Variants in BRINP3 observed in about 807,000 individuals in gnomAD.
BRINP3 encodes BMP/retinoic acid inducible neural specific 3.
Under a neutral mutation model 71.0 loss-of-function variants are expected in BRINP3, and 19 were observed. That is an observed-to-expected ratio of 0.27 (90% CI 0.19 to 0.39). The LOEUF (loss-of-function observed/expected upper bound fraction) is 0.39, where lower values mean the gene tolerates loss of function less well. BRINP3 is among the 10% of genes least tolerant of loss of function. The pLI is 1.00. For synonymous variants in BRINP3, 380 were observed against 337.7 expected (o/e 1.13, Z -1.37); for missense variants, 959 against 940.8 (o/e 1.02, Z -0.25).
intron 2 of BRINP3, among the ~76,000 whole-genome samples, chr1:190,306,609 T>A (rs1342338316): frequency 2.0e-5 from 3 of 151,868 alleles, no homozygotes; most frequent in African/African-American, 4.8e-5. Flanking sequence ...CTAGTTGTTA[T>A]AAGGATTAAG....
chr1:190,331,216 G>T (rs780136399), intron 2 of BRINP3, among the ~76,000 whole-genome samples: 2 of 151,584 alleles, frequency 1.3e-5, no homozygotes, highest in Non-Finnish European at 2.9e-5. Context: ...ATTAAGTTTT[G>T]AAAAAATAAA....
chr1:190,449,411 T>C (rs1675453570), intron 2 of BRINP3, among the ~76,000 whole-genome samples: 1 of 152,064 alleles, frequency 6.6e-6, no homozygotes, highest in South Asian at 2.1e-4. Flanking sequence ...AGAGGTAATC[T>C]CTCCTACTGA....
chr1:190,440,716 G>T (rs1674761386), intron 2 of BRINP3, among the ~76,000 whole-genome samples: 1 of 151,924 alleles, frequency 6.6e-6, no homozygotes, highest in African/African-American at 2.4e-5. Flanking sequence ...ACTATGTGTT[G>T]TCTTCGCCTC....
At chr1:190,176,127 A>G (rs1170204587) in intron 6 of BRINP3, among the ~76,000 whole-genome samples, 1 of 152,200 alleles carries the variant, frequency 6.6e-6, no homozygotes, top group Admixed American at 6.6e-5. Context: ...ATAAAAGAGT[A>G]TAATACTTTG....
At position 190,386,045 on chromosome 1, in the gene BRINP3, C is replaced by T. The variant is rs566336657; in HGVS notation, c.236+68610G>A. On this transcript the variant is annotated intron_variant, in intron 2 of 7. Transcript: ENST00000367462. ...GAATTGAACAATGAGATCACATGGACACAGGAAGGGGAACATCACACTCTG... is the reference window on the plus strand; with the variant it reads ...GAATTGAACAATGAGATCACATGGATACAGGAAGGGGAACATCACACTCTG... Among the ~76,000 whole-genome samples, 151 of 137,200 alleles carry T rather than the reference C, an allele frequency of 1.1e-3. 6 individuals carry two copies. In the South Asian group the frequency reaches 0.035, roughly 32 times the overall value. The allele number at this position is 137,200 out of a possible 152,430, so 90.0% of individuals were successfully genotyped here. A position where few individuals can be genotyped will look rare whatever the true frequency, so the allele number is the denominator to read the frequency against.
chr1:190,217,575 A>G lies in BRINP3; in HGVS notation c.961+8507T>C, dbSNP rs140877315. Among the ~76,000 whole-genome samples the G allele has an allele frequency of 8.1e-3, 1,233 of 152,076 alleles. 23 individuals are homozygous for G. Among genetic ancestry groups the G allele is most frequent in the African/African-American group, 0.028 (1,183 of 41,532 alleles). ...CCCTGAAATTAAAAATAATATAAAT[A>G]TTTTTCTGTGATGAATTCTTAAGTT... On this transcript the variant is annotated intron_variant, in intron 6 of 7. Coordinates refer to ENST00000367462, the MANE Select transcript of BRINP3 (RefSeq NM_199051.3).
intron 6 of BRINP3, among the ~76,000 whole-genome samples, chr1:190,181,253 C>A (rs552448607): frequency 1.3e-5 from 2 of 151,964 alleles, no homozygotes; most frequent in Non-Finnish European, 2.9e-5. Context: ...TCAAAATGTT[C>A]ATTCTTGTTA....
chr1:190,210,344 AC>A (rs1283228474), intron 6 of BRINP3, among the ~76,000 whole-genome samples: 7 of 152,214 alleles, frequency 4.6e-5, no homozygotes, highest in Middle Eastern at 3.4e-3. Flanking sequence ...AAAAAAGCAA[AC>A]AAAAAAGTTA....
chr1:190,195,909 C>G (rs1654437171), intron 6 of BRINP3, among the ~76,000 whole-genome samples: 1 of 151,850 alleles, frequency 6.6e-6, no homozygotes, highest in Non-Finnish European at 1.5e-5. Context: ...TATTCTTAAA[C>G]TCATGTTCAG....
chr1:190,333,427 GA>G (rs975933702), intron 2 of BRINP3, among the ~76,000 whole-genome samples: 6 of 151,424 alleles, frequency 4.0e-5, no homozygotes, highest in Non-Finnish European at 8.9e-5. Context: ...TCAAGAGAGT[GA>G]AAAAAATCAA....
intron 2 of BRINP3, among the ~76,000 whole-genome samples, chr1:190,323,636 T>C (rs1666394317): frequency 6.6e-6 from 1 of 151,608 alleles, no homozygotes; most frequent in South Asian, 2.1e-4. Flanking sequence ...TATTTTGCAT[T>C]AAGGCTGCTT....
intron 2 of BRINP3, among the ~76,000 whole-genome samples, chr1:190,426,280 T>C (rs1343496087): frequency 6.6e-6 from 1 of 151,732 alleles, no homozygotes; most frequent in Non-Finnish European, 1.5e-5. Context: ...CATCTCTGGA[T>C]CTTGGTATTT....
At chr1:190,225,837 T>G (rs1263902703) in intron 6 of BRINP3, among the ~76,000 whole-genome samples, 2 of 151,956 alleles carry the variant, frequency 1.3e-5, no homozygotes, top group Non-Finnish European at 2.9e-5. Flanking sequence ...AGCAAGAACT[T>G]TATTTATTAA....
chr1:190,143,565 A>G (rs1655637767), intron 7 of BRINP3, among the ~76,000 whole-genome samples: 1 of 152,192 alleles, frequency 6.6e-6, no homozygotes, highest in African/African-American at 2.4e-5. Flanking sequence ...AACACCCCCA[A>G]AACTGAGTTA....
At chr1:190,110,868 A>G (rs1652606394) in intron 7 of BRINP3, among the ~76,000 whole-genome samples, 1 of 152,192 alleles carries the variant, frequency 6.6e-6, no homozygotes, top group African/African-American at 2.4e-5. Flanking sequence ...TTTGAATCAC[A>G]ATCTATGATT....
chr1:190,223,184 C>T (rs1007839397), intron 6 of BRINP3, among the ~76,000 whole-genome samples: 10 of 151,716 alleles, frequency 6.6e-5, no homozygotes, highest in Non-Finnish European at 1.0e-4. Context: ...TCAGCATTAC[C>T]CTGATACTAA....
chr1:190,130,072 A>AT (rs1654411366), intron 7 of BRINP3, among the ~76,000 whole-genome samples: 1 of 151,994 alleles, frequency 6.6e-6, no homozygotes, highest in Non-Finnish European at 1.5e-5. Flanking sequence ...TCGTGTCCAG[A>AT]TATCAATTTG....
chr1:190,409,833 C>T (rs1672546736), intron 2 of BRINP3, among the ~76,000 whole-genome samples: 1 of 151,996 alleles, frequency 6.6e-6, no homozygotes. Context: ...AAATATTTGA[C>T]TCTTTATGGG....
intron 4 of BRINP3, among the ~76,000 whole-genome samples, chr1:190,242,055 CACTTTTTT>C (rs1213063784): frequency 6.6e-6 from 1 of 151,532 alleles, no homozygotes; most frequent in Non-Finnish European, 1.5e-5. Context: ...AATGTAGTTC[CACTTTTTT>C]ACCCAGTTGA....
Sources: allele counts gnomAD v4.1 joint callset (sites outside exome capture counted in the v4.1 genomes callset), GRCh38; gene constraint gnomAD v4.1.1; transcripts MANE v1.5; gene names NCBI Gene and HGNC (gene_info 2026-07-23, HGNC 2026-07-21).